Variants in TSC1 observed in about 807,000 individuals in gnomAD.
TSC1 encodes TSC complex subunit 1.
TSC1 carries 20 observed loss-of-function variants against 124.3 expected under a neutral mutation model. That is an observed-to-expected ratio of 0.16 (90% CI 0.11 to 0.23). TSC1 has a LOEUF of 0.23. Among genes scored for constraint, TSC1 ranks in the 10% least tolerant of loss-of-function variants. The probability of loss-of-function intolerance (pLI) is 1.00; values close to 1 mark genes in which losing one functional copy is unlikely to be tolerated. For synonymous variants in TSC1, 493 were observed against 539.1 expected (o/e 0.91, Z 1.19); for missense variants, 1,124 against 1,448.5 (o/e 0.78, Z 3.64).
At chr9:132,927,041 C>T in intron 4 of TSC1, 160 bp downstream of exon 4, 1 of 716,544 alleles carries the variant, frequency 1.4e-6, no homozygotes, top group Non-Finnish European at 2.4e-6. Context: ...ATGGGTCCTA[C>T]AAAGTAATTT....
Position 132,923,244 on chromosome 9 carries a change from G to T in TSC1, c.508+104C>A. ...TGTCTGGTGAAAACCACTCATTTCA[G>T]CTATAAAAGTCTACATGTCCATTCC... On this transcript the variant is annotated intron_variant, in intron 6 of 22. Transcript: ENST00000298552. This position sits in a 1 kb window ranked among gnomAD's most constrained non-coding sequence, Gnocchi z 4.2. 2 of 1,486,270 alleles carry T rather than the reference G, an allele frequency of 1.3e-6. No homozygotes were observed. The highest frequency in any genetic ancestry group is 9.1e-7 in the Non-Finnish European group (1 of 1,103,774). 92.1% of individuals were successfully genotyped at this position (1,486,270 alleles called of 1,614,324 possible).
chr9:132,905,248 A>T (rs1320825368), intron 15 of TSC1, among the ~76,000 whole-genome samples: 4 of 151,888 alleles, frequency 2.6e-5, no homozygotes, highest in Admixed American at 2.6e-4. Context: ...TATTCTTTGA[A>T]ATACCATAAC....
In TSC1 at chr9:132,905,922, A is replaced by G; in HGVS notation, c.1656T>C (p.Phe552=). 1 of 1,613,508 alleles carries G rather than the reference A, an allele frequency of 6.2e-7. No individual in the cohort carries two copies. Among genetic ancestry groups the G allele is most frequent in the Non-Finnish European group, 8.5e-7 (1 of 1,179,496 alleles). Reference sequence around the variant, plus strand: ...TGCCGCAGGGCAGGTCTATGGGAGTAAAGGCTTGCTTTGGTGTGTCAGGCC... The same window carrying G: ...TGCCGCAGGGCAGGTCTATGGGAGTGAAGGCTTGCTTTGGTGTGTCAGGCC... ...KLGPDTPKQA[F]TPIDLPCGSA... is the part of the protein sequence containing the mutation. The change falls in exon 15 of 23, where the codon TTT becomes TTC. Residue 552 remains phenylalanine, a synonymous_variant. Transcript: ENST00000298552.
intron 20 of TSC1, chr9:132,900,405 A>G: frequency 2.5e-6 from 1 of 403,822 alleles, no homozygotes; most frequent in Non-Finnish European, 4.7e-6. Context: ...TTGGTCCCCC[A>G]TCCTTCTTTT....
intron 8 of TSC1, among the ~76,000 whole-genome samples, chr9:132,915,944 C>G (rs1463369544): frequency 6.6e-6 from 1 of 152,016 alleles, no homozygotes; most frequent in Non-Finnish European, 1.5e-5. Flanking sequence ...CTCAGCATGA[C>G]TAGAAAGTGA....
intron 15 of TSC1, 103 bp from the exon 16 acceptor site, chr9:132,904,557 A>G (rs889374085): frequency 7.1e-6 from 8 of 1,132,518 alleles, no homozygotes; most frequent in Non-Finnish European, 1.1e-5. Context: ...CTTGTGGTCA[A>G]AATCTGCAAT....
chr9:132,930,355 G>A (rs1329267530), intron 2 of TSC1, among the ~76,000 whole-genome samples: 8 of 152,180 alleles, frequency 5.3e-5, no homozygotes, highest in African/African-American at 1.9e-4. Flanking sequence ...ATGGGAGGCC[G>A]AGGCAGGCAG....
chr9:132,894,015 C>T lies in TSC1; in HGVS notation c.*2220G>A, dbSNP rs192554915. 8 of 233,410 alleles carry T rather than the reference C, an allele frequency of 3.4e-5. No individual in the cohort carries two copies. Among genetic ancestry groups the T allele is most frequent in the African/African-American group, 4.4e-5 (2 of 45,442 alleles). The allele number at this position is 233,410 out of a possible 1,614,324, so 14.5% of individuals were successfully genotyped here. ...TGACTCCAGGTCTCATTCTCCCAAC[C>T]GTAGTTGAATAAAACCCACAGCCTC... On this transcript the variant is annotated 3_prime_UTR_variant, in exon 23 of 23. Transcript: ENST00000298552.
chr9:132,944,880 A>G, upstream of TSC1: 1 of 302,398 alleles, frequency 3.3e-6, no homozygotes, highest in Non-Finnish European at 6.1e-6. Context: ...GACTCCGCGA[A>G]GGAGGCAAAA....
At chr9:132,944,519 A>C (rs1847970173) in intron 1 of TSC1, 24 bp downstream of exon 1, 2 of 398,420 alleles carry the variant, frequency 5.0e-6, no homozygotes. Flanking sequence ...CATAAAAAGG[A>C]GGGGGAGACA....
intron 1 of TSC1, among the ~76,000 whole-genome samples, chr9:132,937,571 C>G (rs762498428): frequency 1.2e-4 from 18 of 152,262 alleles, no homozygotes; most frequent in African/African-American, 3.9e-4. Context: ...GACATTTTAC[C>G]TGAAAAGAAA....
rs1280598905 is a variant in TSC1, at chr9:132,891,730, T to C, written c.*4505A>G. 1.3e-5 allele frequency: 3 copies of C among 233,596 alleles called. No homozygotes were observed. The highest frequency in any genetic ancestry group is 6.6e-5 in the African/African-American group (3 of 45,346). 14.5% of individuals were successfully genotyped at this position (233,596 alleles called of 1,614,324 possible). A position where few individuals can be genotyped will look rare whatever the true frequency, so the allele number is the denominator to read the frequency against. ...CAAAATCTGTTCCTCCGTAATATAT[T>C]TGTGGTCCATAGAAGTCTTCTGAAA... On this transcript the variant is annotated 3_prime_UTR_variant, in exon 23 of 23. Coordinates refer to ENST00000298552, the MANE Select transcript of TSC1 (RefSeq NM_000368.5).
chr9:132,907,496 T>A, intron 12 of TSC1, 126 bp from the exon 13 acceptor site: 1 of 822,200 alleles, frequency 1.2e-6, no homozygotes, highest in Non-Finnish European at 2.0e-6. Context: ...TGTTTTCTTT[T>A]CTTTTTTTTT....
At chr9:132,940,917 G>A (rs1401460577) in intron 1 of TSC1, 1 of 152,122 alleles carries the variant, frequency 6.6e-6, no homozygotes, top group Non-Finnish European at 1.5e-5. Context: ...ACTACTCAAA[G>A]TAGCAGAGTC....
intron 8 of TSC1, 117 bp from the exon 9 acceptor site, chr9:132,912,574 T>C: frequency 8.5e-7 from 1 of 1,170,170 alleles, no homozygotes; most frequent in South Asian, 1.3e-5. Context: ...AGCGGGACCA[T>C]GCCAGCCCAA....
intron 2 of TSC1, among the ~76,000 whole-genome samples, chr9:132,933,010 G>A (rs77325487): frequency 0.018 from 2,746 of 152,322 alleles, 94 homozygotes; most frequent in African/African-American, 0.063. Context: ...CCAAAGTTCA[G>A]TTTCAGTCTC....
chr9:132,944,761 C>T (rs936671081), upstream of TSC1: 11 of 397,074 alleles, frequency 2.8e-5, no homozygotes, highest in Non-Finnish European at 4.4e-5. Flanking sequence ...GGCTCTTCCA[C>T]TCATAACTGA....
chr9:132,905,503 T>C, intron 15 of TSC1, 78 bp downstream of exon 15: 10 of 1,598,658 alleles, frequency 6.3e-6, no homozygotes, highest in South Asian at 1.1e-5. Context: ...AGAATGATTC[T>C]TGTTCCTCTC....
chr9:132,924,759 CTGAATTA>C, intron 5 of TSC1: 3 of 152,044 alleles, frequency 2.0e-5, no homozygotes, highest in African/African-American at 7.2e-5. Context: ...CCTATTTTTT[CTGAATTA>C]AATGCATGTT....
Sources: gnomAD v4.1 joint callset for allele counts (sites outside exome capture counted in the v4.1 genomes callset) on GRCh38, gnomAD v4.1.1 for gene constraint, Gnocchi (gnomAD v3.1) non-coding constraint, MANE v1.5 for transcripts, NCBI Gene and HGNC (gene_info 2026-07-23, HGNC 2026-07-21) for gene names.